The following TCF12 variants were observed in gnomAD, a reference collection of about 807,000 sequenced individuals.
TCF12 encodes DNA-binding protein HTF4.
A neutral mutation model predicts 86.0 loss-of-function variants in TCF12; 45 were observed. The observed-to-expected ratio is 0.52, with a 90% confidence interval of 0.41 to 0.67. The LOEUF (loss-of-function observed/expected upper bound fraction) is 0.67, where lower values mean the gene tolerates loss of function less well. Ranked by LOEUF, TCF12 falls within the 30% of genes least tolerant of loss-of-function variation. The pLI, the probability that TCF12 is intolerant of heterozygous loss-of-function variation, is 0.00. For missense variants in TCF12, 881 were observed against 859.9 expected, an observed-to-expected ratio of 1.02 and a Z score of -0.31; for synonymous variants, 330 against 299.6, an observed-to-expected ratio of 1.10 and a Z score of -1.05.
chr15:57,127,487 G>A (rs866783482), intron 5 of TCF12, among the ~76,000 whole-genome samples: 4 of 152,014 alleles, frequency 2.6e-5, no homozygotes, highest in Admixed American at 6.6e-5. Context: ...TACCATCACC[G>A]TTTATATAGA....
At chr15:57,017,157 G>C (rs2065198903) in intron 3 of TCF12, among the ~76,000 whole-genome samples, 1 of 152,184 alleles carries the variant, frequency 6.6e-6, no homozygotes, top group Non-Finnish European at 1.5e-5. Flanking sequence ...TCAGGCCCTT[G>C]ACACAGTTGA....
At chr15:57,242,881 A>AT (rs1378120386) in intron 12 of TCF12, among the ~76,000 whole-genome samples, 5 of 152,180 alleles carry the variant, frequency 3.3e-5, no homozygotes, top group Non-Finnish European at 7.4e-5. Context: ...GCATAACAGG[A>AT]TTTTTTCACT....
At chr15:57,212,834 C>T (rs1190319626) in intron 8 of TCF12, among the ~76,000 whole-genome samples, 1 of 152,142 alleles carries the variant, frequency 6.6e-6, no homozygotes, top group Admixed American at 6.5e-5. Context: ...TCCTGAGAGG[C>T]AGAGCTGAAA....
intron 8 of TCF12, chr15:57,214,194 G>C (rs1396287782): frequency 1.3e-5 from 2 of 152,180 alleles, no homozygotes; most frequent in Non-Finnish European, 2.9e-5. Flanking sequence ...TTGTCGTTGT[G>C]AGTTTGTGAT....
chr15:57,087,401 G>A (rs2048717454), intron 4 of TCF12, among the ~76,000 whole-genome samples: 2 of 112,958 alleles, frequency 1.8e-5, no homozygotes. Context: ...AACAGAGCAA[G>A]ACCCTGTCTC....
chr15:57,071,521 G>A (rs141697579), intron 4 of TCF12, among the ~76,000 whole-genome samples: 8 of 152,240 alleles, frequency 5.3e-5, no homozygotes, highest in African/African-American at 1.7e-4. Flanking sequence ...TGTAGTCCCA[G>A]TTACTCGGGA....
intron 3 of TCF12, among the ~76,000 whole-genome samples, chr15:56,998,132 C>T (rs922516334): frequency 6.6e-6 from 1 of 152,120 alleles, no homozygotes; most frequent in Non-Finnish European, 1.5e-5. Flanking sequence ...ACGAATAGAA[C>T]TAGTAGACAG....
intron 6 of TCF12, among the ~76,000 whole-genome samples, chr15:57,167,827 T>C (rs1469746082): frequency 6.6e-6 from 1 of 152,158 alleles, no homozygotes; most frequent in East Asian, 1.9e-4. Flanking sequence ...GTTTTAGTGT[T>C]GTTAATGATT....
In TCF12 at chr15:57,262,100, A is replaced by C. The variant is rs565996908; in HGVS notation, c.1474A>C (p.Thr492Pro). The change falls in exon 17 of 21, where the codon ACT (threonine) becomes CCT (proline). Residue 492 changes from threonine (T) to proline (P), a missense_variant. Transcript: ENST00000333725. ...ASSRSASMVG[T>P]HREDSVSLNG... Reference sequence around the variant, plus strand: ...GGGTTTTCCTTAACTTTAGGTTGGAACTCATCGGGAAGACTCTGTCAGTCT... The same window carrying C: ...GGGTTTTCCTTAACTTTAGGTTGGACCTCATCGGGAAGACTCTGTCAGTCT... 1.9e-6 allele frequency: 3 copies of C among 1,610,256 alleles called. No individual in the cohort carries two copies. The highest frequency in any genetic ancestry group is 2.2e-5 in the South Asian group (2 of 90,388).
chr15:57,068,643 G>T (rs1567355500), intron 4 of TCF12, among the ~76,000 whole-genome samples: 1 of 152,024 alleles, frequency 6.6e-6, no homozygotes, highest in Non-Finnish European at 1.5e-5. Flanking sequence ...ATCAAATTCG[G>T]GAACAATCAT....
At chr15:56,939,849 G>A (rs1013616186) in intron 3 of TCF12, among the ~76,000 whole-genome samples, 1 of 152,094 alleles carries the variant, frequency 6.6e-6, no homozygotes. Context: ...GCTCAAGGAT[G>A]AGCAAGAAGT....
intron 12 of TCF12, among the ~76,000 whole-genome samples, chr15:57,240,620 G>T (rs988440924): frequency 1.3e-5 from 2 of 152,078 alleles, no homozygotes; most frequent in Non-Finnish European, 2.9e-5. Flanking sequence ...AATGGCTCAC[G>T]CCTGTAATCC....
At chr15:56,945,323 T>C (rs907568169) in intron 3 of TCF12, among the ~76,000 whole-genome samples, 3 of 152,284 alleles carry the variant, frequency 2.0e-5, no homozygotes, top group Admixed American at 6.5e-5. Flanking sequence ...TATTAATCCA[T>C]GTATTTTCAA....
intron 6 of TCF12, among the ~76,000 whole-genome samples, chr15:57,185,014 TC>T (rs1368343907): frequency 1.3e-5 from 2 of 152,230 alleles, no homozygotes; most frequent in Non-Finnish European, 2.9e-5. Flanking sequence ...CATCTTTCTC[TC>T]CCAATGTACC....
chr15:57,103,718 A>T (rs201398680), intron 5 of TCF12, among the ~76,000 whole-genome samples: 1 of 152,214 alleles, frequency 6.6e-6, no homozygotes, highest in East Asian at 1.9e-4. Context: ...TTAAGTTATA[A>T]TATGGTCATA....
intron 12 of TCF12, among the ~76,000 whole-genome samples, chr15:57,240,253 T>C (rs1463335332): frequency 6.6e-6 from 1 of 152,182 alleles, no homozygotes; most frequent in Admixed American, 6.5e-5. Flanking sequence ...GACAAATTCC[T>C]CATTCTTCTG....
intron 8 of TCF12, among the ~76,000 whole-genome samples, chr15:57,206,945 A>G (rs1005429938): frequency 4.1e-5 from 6 of 144,964 alleles, no homozygotes; most frequent in East Asian, 2.1e-4. Context: ...AAAAAAAAAG[A>G]AAAGGAAAAA....
At chr15:57,041,337 C>G (rs1303591806) in intron 3 of TCF12, among the ~76,000 whole-genome samples, 3 of 152,056 alleles carry the variant, frequency 2.0e-5, no homozygotes, top group African/African-American at 7.2e-5. Context: ...TACTATTGAA[C>G]CAAATAGTTC....
upstream of TCF12, chr15:56,918,359 ACCTGCCACC>A (rs1567097567): frequency 2.4e-6 from 1 of 417,154 alleles, no homozygotes; most frequent in South Asian, 1.7e-5. Flanking sequence ...GCGCCACGGT[ACCTGCCACC>A]CCGCTCCCAG....
Sources: allele counts gnomAD v4.1 joint callset (sites outside exome capture counted in the v4.1 genomes callset), GRCh38; gene constraint gnomAD v4.1.1; transcripts MANE v1.5; gene names NCBI Gene and HGNC (gene_info 2026-07-23, HGNC 2026-07-21).